The following PRDM1 variants were observed in gnomAD, a reference collection of about 807,000 sequenced individuals.
PRDM1 encodes the protein PR/SET domain 1.
A neutral mutation model predicts 62.8 loss-of-function variants in PRDM1; 13 were observed. That is an observed-to-expected ratio of 0.21 (90% confidence interval 0.13 to 0.33). The LOEUF (loss-of-function observed/expected upper bound fraction) is 0.33, where lower values mean the gene tolerates loss of function less well. Among genes scored for constraint, PRDM1 ranks in the 10% least tolerant of loss-of-function variants. PRDM1 has a pLI of 1.00. For synonymous variants in PRDM1, 396 were observed against 417.6 expected (o/e 0.95, Z 0.63); for missense variants, 895 against 1,058.8 (o/e 0.85, Z 2.15).
chr6:106,009,630 T>TGA (rs1271609050), intron 1 of PRDM1, among the ~76,000 whole-genome samples: 3 of 152,172 alleles, frequency 2.0e-5, no homozygotes, highest in Admixed American at 1.3e-4. Flanking sequence ...GGTGCATGTA[T>TGA]GAGAGAGAGC....
intron 1 of PRDM1, among the ~76,000 whole-genome samples, chr6:106,064,611 ATCT>A (rs994503481): frequency 1.3e-5 from 2 of 152,080 alleles, no homozygotes; most frequent in Admixed American, 6.5e-5. Flanking sequence ...TAGCAGGAAA[ATCT>A]TCTCTCTGAT....
chr6:106,106,835 C>T lies in PRDM1; in HGVS notation c.1903-76C>T. On this transcript the variant is annotated intron_variant, in intron 6 of 6. Transcript: ENST00000369096. The surrounding 1 kb of genome is among the most constrained non-coding windows in gnomAD (Gnocchi z 4.4). The stretch of plus-strand genomic sequence containing the variant: ...TGCTGGGCGTTGGCCGGTAAGCCTG[C>T]CCCTCCCGTTGGCAACTCTTAATCT... The T allele has an allele frequency of 1.4e-6, 2 of 1,456,326 alleles. No homozygotes were observed. Among genetic ancestry groups the T allele is most frequent in the Non-Finnish European group, 1.9e-6 (2 of 1,071,162 alleles). 90.2% of individuals were successfully genotyped at this position (1,456,326 alleles called of 1,614,324 possible).
intron 2 of PRDM1, among the ~76,000 whole-genome samples, chr6:106,088,993 T>C (rs547724381): frequency 7.9e-5 from 12 of 152,326 alleles, no homozygotes; most frequent in African/African-American, 2.9e-4. Flanking sequence ...AAGTGTCCTC[T>C]GTCTGGATGA....
intron 1 of PRDM1, among the ~76,000 whole-genome samples, chr6:106,036,146 T>C (rs1772922899): frequency 6.6e-6 from 1 of 152,078 alleles, no homozygotes; most frequent in South Asian, 2.1e-4. Context: ...CTTTAGAATT[T>C]AGTTGTTTTT....
chr6:106,071,437 T>A (rs1773518683), intron 1 of PRDM1, among the ~76,000 whole-genome samples: 1 of 152,046 alleles, frequency 6.6e-6, no homozygotes, highest in Admixed American at 6.6e-5. Flanking sequence ...GTATCTCCAA[T>A]AAAAATTAAT....
chr6:106,094,935 G>C (rs1245409024), intron 2 of PRDM1, among the ~76,000 whole-genome samples: 8 of 150,566 alleles, frequency 5.3e-5, no homozygotes. Flanking sequence ...ACACACACGA[G>C]GGCCTTTGAC....
intron 1 of PRDM1, among the ~76,000 whole-genome samples, chr6:106,057,169 T>C (rs1232805735): frequency 6.6e-6 from 1 of 152,234 alleles, no homozygotes; most frequent in East Asian, 1.9e-4. Flanking sequence ...GCATCTGCTT[T>C]ATATAAAATA....
At chr6:106,078,900 A>G (rs566202333) in intron 1 of PRDM1, among the ~76,000 whole-genome samples, 1 of 152,200 alleles carries the variant, frequency 6.6e-6, no homozygotes, top group East Asian at 1.9e-4. Context: ...GGCCTTGAGT[A>G]GATCATTTGG....
In PRDM1 at chr6:106,086,423, C is replaced by T; in HGVS notation, c.-131C>T. 1.3e-6 allele frequency: 1 copy of T among 772,258 alleles called. No homozygotes were observed. The highest frequency in any genetic ancestry group is 1.8e-5 in the South Asian group (1 of 56,900). 47.8% of individuals were successfully genotyped at this position (772,258 alleles called of 1,614,324 possible). ...GACCGCGGCACCTGTCCGCCCGGAG[C>T]TGGGACGCGGGCGCCCGGGCGGCCG... On this transcript the variant is annotated 5_prime_UTR_variant, in exon 1 of 7. Transcript: ENST00000369096.
At chr6:106,093,251 G>A (rs1027983885) in intron 2 of PRDM1, among the ~76,000 whole-genome samples, 2 of 152,190 alleles carry the variant, frequency 1.3e-5, no homozygotes, top group Non-Finnish European at 2.9e-5. Flanking sequence ...AAGAAAATGT[G>A]TGTAAGATGG....
intron 1 of PRDM1, among the ~76,000 whole-genome samples, chr6:106,034,754 C>G (rs1772901081): frequency 6.6e-6 from 1 of 151,126 alleles, no homozygotes; most frequent in Admixed American, 6.6e-5. Flanking sequence ...GTCTCAGCCT[C>G]CCAAGTAGCT....
upstream of PRDM1, among the ~76,000 whole-genome samples, chr6:106,083,215 G>T (rs1582456019): frequency 9.7e-6 from 1 of 103,492 alleles, no homozygotes; most frequent in Admixed American, 9.3e-5. Context: ...ATGGGTGTGG[G>T]GGGTGAGGGT....
intron 1 of PRDM1, among the ~76,000 whole-genome samples, chr6:106,066,845 A>AC (rs1773441637): frequency 6.6e-6 from 1 of 152,198 alleles, no homozygotes; most frequent in East Asian, 1.9e-4. Flanking sequence ...TTACATATCT[A>AC]CTGCAACACT....
chr6:106,015,491 T>C (rs770460873), intron 1 of PRDM1, among the ~76,000 whole-genome samples: 1 of 151,032 alleles, frequency 6.6e-6, no homozygotes, highest in African/African-American at 2.4e-5. Flanking sequence ...ACCTTTTGTA[T>C]GAGAAAGAGA....
intron 1 of PRDM1, among the ~76,000 whole-genome samples, chr6:106,000,727 T>G (rs1461981570): frequency 5.9e-5 from 9 of 152,356 alleles, no homozygotes; most frequent in African/African-American, 2.2e-4. Flanking sequence ...ATATTCATAC[T>G]GATATATGTT....
chr6:106,109,209 C>T lies in PRDM1; in HGVS notation c.*1723C>T. Reference sequence around the variant, plus strand: ...TTGCCTACTGTAAGAGACCCTAAAACCTTGGTGCAGTGGTGGGGACCACAA... The same window carrying T: ...TTGCCTACTGTAAGAGACCCTAAAATCTTGGTGCAGTGGTGGGGACCACAA... On this transcript the variant is annotated 3_prime_UTR_variant, in exon 7 of 7. Coordinates refer to ENST00000369096, the MANE Select transcript of PRDM1 (RefSeq NM_001198.4). The T allele has an allele frequency of 4.5e-6, 1 of 224,560 alleles. No homozygotes were observed. Among genetic ancestry groups the T allele is most frequent in the Non-Finnish European group, 8.9e-6 (1 of 112,616 alleles). The allele number at this position is 224,560 out of a possible 1,614,324, so 13.9% of individuals were successfully genotyped here.
intron 1 of PRDM1, among the ~76,000 whole-genome samples, chr6:106,073,880 T>C (rs1773560002): frequency 6.6e-6 from 1 of 152,194 alleles, no homozygotes; most frequent in Admixed American, 6.5e-5. Context: ...GCATATACCC[T>C]CAGTGAGGTG....
At chr6:106,004,746 G>A (rs912385611) in intron 1 of PRDM1, among the ~76,000 whole-genome samples, 11 of 152,120 alleles carry the variant, frequency 7.2e-5, no homozygotes. Flanking sequence ...TAACATGTTA[G>A]AGTCATCAAA....
At position 106,106,618 on chromosome 6, in the gene PRDM1, C is replaced by T; in HGVS notation, c.1902+119C>T. On this transcript the variant is annotated intron_variant, in intron 6 of 6. Transcript: ENST00000369096. This position sits in a 1 kb window ranked among gnomAD's most constrained non-coding sequence, Gnocchi z 4.4. ...ACACCAGATTCTGCGTTGTCCCATC[C>T]TGGACTGATGGCACTATGGTCCTTC... 1.4e-6 allele frequency: 2 copies of T among 1,383,656 alleles called. No homozygotes were observed. The highest frequency in any genetic ancestry group is 2.0e-6 in the Non-Finnish European group (2 of 1,016,804). The allele number at this position is 1,383,656 out of a possible 1,614,324, so 85.7% of individuals were successfully genotyped here. A position where few individuals can be genotyped will look rare whatever the true frequency, so the allele number is the denominator to read the frequency against.
Sources: gnomAD v4.1 joint callset for allele counts (sites outside exome capture counted in the v4.1 genomes callset) on GRCh38, gnomAD v4.1.1 for gene constraint, Gnocchi (gnomAD v3.1) non-coding constraint, MANE v1.5 for transcripts, NCBI Gene and HGNC (gene_info 2026-07-23, HGNC 2026-07-21) for gene names.